Variants in MARCHF6 observed in about 807,000 individuals in gnomAD.
MARCHF6 encodes membrane associated ring-CH-type finger 6, also known as E3 ubiquitin-protein ligase MARCHF6.
In MARCHF6, 31 loss-of-function variants were observed where a neutral mutation model predicts 133.7. The observed-to-expected ratio is 0.23, with a 90% CI of 0.17 to 0.31. The LOEUF is 0.31. MARCHF6 is among the 10% of genes least tolerant of loss of function. The probability of loss-of-function intolerance (pLI) is 1.00; values close to 1 mark genes in which losing one functional copy is unlikely to be tolerated. For synonymous variants in MARCHF6, 395 were observed against 402.5 expected (o/e 0.98, Z 0.22); for missense variants, 723 against 1,121.6 (o/e 0.64, Z 5.08).
chr5:10,389,311 AAC>A (rs1370083084), intron 5 of MARCHF6, among the ~76,000 whole-genome samples: 1 of 152,202 alleles, frequency 6.6e-6, no homozygotes, highest in Non-Finnish European at 1.5e-5. Flanking sequence ...TTACTAAAGG[AAC>A]CATACTTTGC....
chr5:10,364,916 G>A (rs148255927), intron 1 of MARCHF6, among the ~76,000 whole-genome samples: 2,322 of 152,232 alleles, frequency 0.015, 62 homozygotes, highest in African/African-American at 0.052. Context: ...CGATTCTCCT[G>A]CCTCAGCCTC....
chr5:10,368,211 G>A (rs886778031), intron 1 of MARCHF6, among the ~76,000 whole-genome samples: 36 of 152,144 alleles, frequency 2.4e-4, no homozygotes, highest in African/African-American at 8.7e-4. Context: ...GACTTTGTAT[G>A]TTTGTAATAG....
At chr5:10,362,787 T>C (rs1263491842) in intron 1 of MARCHF6, among the ~76,000 whole-genome samples, 1 of 152,216 alleles carries the variant, frequency 6.6e-6, no homozygotes. Flanking sequence ...TCTTAACGTA[T>C]CTGAAAACAT....
chr5:10,372,936 C>T (rs2126677521), intron 1 of MARCHF6, among the ~76,000 whole-genome samples: 1 of 152,142 alleles, frequency 6.6e-6, no homozygotes, highest in Admixed American at 6.5e-5. Flanking sequence ...TGGCTCATGC[C>T]TGTAATCCTA....
Position 10,429,617 on chromosome 5 carries a change from T to A in MARCHF6, c.2507-276T>A, listed in dbSNP as rs187386915. ...GGTTTTACCATGTTGGCCAGGCTGC[T>A]CTAGAACTCCTGACCTCAAGTGATC... On this transcript the variant is annotated intron_variant, in intron 24 of 25. Transcript: ENST00000274140. Among the ~76,000 whole-genome samples the A allele has an allele frequency of 2.0e-5, 3 of 152,286 alleles. No individual in the cohort carries two copies. In the East Asian group the frequency reaches 5.8e-4, roughly 29 times the overall value.
At chr5:10,356,094 A>G (rs1735440656) in intron 1 of MARCHF6, among the ~76,000 whole-genome samples, 1 of 152,144 alleles carries the variant, frequency 6.6e-6, no homozygotes, top group Admixed American at 6.5e-5. Context: ...CACTTAAAGG[A>G]AAAGGGAGGG....
At chr5:10,369,115 T>C (rs1453671484) in intron 1 of MARCHF6, among the ~76,000 whole-genome samples, 1 of 152,242 alleles carries the variant, frequency 6.6e-6, no homozygotes, top group Non-Finnish European at 1.5e-5. Context: ...ATTGTGTTCA[T>C]TGGCTTTCAG....
intron 5 of MARCHF6, among the ~76,000 whole-genome samples, chr5:10,387,705 C>G (rs1303771320): frequency 6.6e-6 from 1 of 152,146 alleles, no homozygotes; most frequent in Non-Finnish European, 1.5e-5. Context: ...GAGCCTCGCT[C>G]TATTACCTGG....
At chr5:10,430,515 A>G (rs1740313019) in intron 25 of MARCHF6, among the ~76,000 whole-genome samples, 1 of 152,150 alleles carries the variant, frequency 6.6e-6, no homozygotes, top group Non-Finnish European at 1.5e-5. Flanking sequence ...CATGTTGGCT[A>G]GGATTGTGTC....
intron 1 of MARCHF6, among the ~76,000 whole-genome samples, chr5:10,361,506 A>T (rs1735818225): frequency 6.6e-6 from 1 of 151,854 alleles, no homozygotes; most frequent in Non-Finnish European, 1.5e-5. Context: ...TCTATGTCCT[A>T]ATCTCTTCTT....
At chr5:10,353,948 T>A (rs1393790839) in intron 1 of MARCHF6, 31 bp downstream of exon 1, 2 of 1,537,032 alleles carry the variant, frequency 1.3e-6, no homozygotes, top group Non-Finnish European at 1.7e-6. Flanking sequence ...GCCCGAGCCC[T>A]TGCGTCGGCG....
At chr5:10,378,216 C>A (rs1238988694) in intron 2 of MARCHF6, among the ~76,000 whole-genome samples, 1 of 152,184 alleles carries the variant, frequency 6.6e-6, no homozygotes, top group Non-Finnish European at 1.5e-5. Flanking sequence ...TTTTGCTTGG[C>A]ATAATAGTAG....
At chr5:10,423,625 A>G (rs1381742217) in intron 22 of MARCHF6, 110 bp from the exon 23 acceptor site, 3 of 613,662 alleles carry the variant, frequency 4.9e-6, no homozygotes, top group African/African-American at 1.9e-5. Flanking sequence ...TGCCAATCCT[A>G]TAGAACTTCT....
chr5:10,415,772 A>C, intron 21 of MARCHF6, 103 bp downstream of exon 21: 2 of 972,788 alleles, frequency 2.1e-6, no homozygotes. Context: ...TCCTTACTAT[A>C]TTGTTTCAAG....
intron 21 of MARCHF6, among the ~76,000 whole-genome samples, chr5:10,416,954 A>G (rs899299364): frequency 2.6e-5 from 4 of 152,212 alleles, no homozygotes; most frequent in African/African-American, 9.7e-5. Flanking sequence ...TCCACCTCAA[A>G]GTTCACAGAT....
At chr5:10,430,070 ACTT>A in intron 25 of MARCHF6, 42 bp downstream of exon 25, 1 of 1,575,422 alleles carries the variant, frequency 6.3e-7, no homozygotes, top group African/African-American at 1.4e-5. Context: ...AAGTGTTTTC[ACTT>A]CTTAATTTAT....
At position 10,435,607 on chromosome 5, in the gene MARCHF6, T is replaced by G. The variant is rs1232955639; in HGVS notation, c.*1923T>G. On this transcript the variant is annotated 3_prime_UTR_variant, in exon 26 of 26. Coordinates refer to ENST00000274140, the MANE Select transcript of MARCHF6 (RefSeq NM_005885.4). Reference sequence around the variant, plus strand: ...CTCTTTGGGAGAAAAACATTATTATTGAATTGAGCATATAACTATATAACT... The same window carrying G: ...CTCTTTGGGAGAAAAACATTATTATGGAATTGAGCATATAACTATATAACT... 8.6e-6 allele frequency: 1 copy of G among 115,992 alleles called. No individual in the cohort carries two copies. The highest frequency in any genetic ancestry group is 3.2e-5 in the African/African-American group (1 of 31,424). The allele number at this position is 115,992 out of a possible 1,614,324, so 7.2% of individuals were successfully genotyped here. A position where few individuals can be genotyped will look rare whatever the true frequency, so the allele number is the denominator to read the frequency against.
chr5:10,436,991 AC>A lies in MARCHF6; in HGVS notation c.*3308del, dbSNP rs1248473048. The A allele has an allele frequency of 6.6e-6, 1 of 152,294 alleles. No homozygotes were observed. Among genetic ancestry groups the A allele is most frequent in the Non-Finnish European group, 1.5e-5 (1 of 68,052 alleles). 9.4% of individuals were successfully genotyped at this position (152,294 alleles called of 1,614,324 possible). A position where few individuals can be genotyped will look rare whatever the true frequency, so the allele number is the denominator to read the frequency against. The stretch of plus-strand genomic sequence containing the variant: ...TCCTTAAAATGATTTGATCCAAGAT[AC>A]GTCATTTCTGTATTGGCAAAATGCC... On this transcript the variant is annotated 3_prime_UTR_variant, in exon 26 of 26. Transcript: ENST00000274140.
chr5:10,432,887 C>T (rs1740435691), intron 25 of MARCHF6, among the ~76,000 whole-genome samples: 1 of 150,444 alleles, frequency 6.6e-6, no homozygotes, highest in African/African-American at 2.4e-5. Flanking sequence ...GTTTTACTTT[C>T]ATCCCTTCCT....
Sources: gnomAD v4.1 joint callset for allele counts (sites outside exome capture counted in the v4.1 genomes callset) on GRCh38, gnomAD v4.1.1 for gene constraint, MANE v1.5 for transcripts, NCBI Gene and HGNC (gene_info 2026-07-23, HGNC 2026-07-21) for gene names.